ACTN2: variants seen among roughly 807,000 people sequenced by gnomAD.
The protein encoded by ACTN2 is alpha-actinin-2.
A neutral mutation model predicts 113.8 loss-of-function variants in ACTN2; 39 were observed. That is an observed-to-expected ratio of 0.34 (90% CI 0.27 to 0.45). The LOEUF (loss-of-function observed/expected upper bound fraction) is 0.45. ACTN2 is among the 20% of genes least tolerant of loss of function. The pLI is 1.00. For synonymous variants in ACTN2, 429 were observed against 444.1 expected (o/e 0.97, Z 0.43); for missense variants, 992 against 1,177.9 (o/e 0.84, Z 2.31).
chr1:236,695,496 A>C (rs535320169), intron 1 of ACTN2, among the ~76,000 whole-genome samples: 1 of 151,724 alleles, frequency 6.6e-6, no homozygotes, highest in Non-Finnish European at 1.5e-5. Context: ...TATGTATATC[A>C]TAATAAAATT....
intron 6 of ACTN2, among the ~76,000 whole-genome samples, chr1:236,730,817 C>T (rs763771020): frequency 4.6e-5 from 7 of 152,298 alleles, no homozygotes; most frequent in Non-Finnish European, 8.8e-5. Context: ...TTTCTTTCAT[C>T]TCTTTACCCC....
intron 1 of ACTN2, among the ~76,000 whole-genome samples, chr1:236,691,191 C>T (rs1028894750): frequency 1.1e-4 from 17 of 151,984 alleles, no homozygotes; most frequent in Admixed American, 3.3e-4. Context: ...GATCTGCCCA[C>T]CTCGGCCTCC....
At chr1:236,744,414 C>T (rs1659162490) in intron 11 of ACTN2, among the ~76,000 whole-genome samples, 1 of 152,144 alleles carries the variant, frequency 6.6e-6, no homozygotes, top group South Asian at 2.1e-4. Context: ...TATTTGGAGA[C>T]ACGAGCTTTC....
At chr1:236,749,832 A>G (rs1558246435) in intron 14 of ACTN2, among the ~76,000 whole-genome samples, 2 of 152,132 alleles carry the variant, frequency 1.3e-5, no homozygotes, top group East Asian at 1.9e-4. Context: ...GACAACTACA[A>G]CTACAACAAC....
intron 9 of ACTN2, among the ~76,000 whole-genome samples, chr1:236,737,607 A>G (rs1658931683): frequency 6.6e-6 from 1 of 151,608 alleles, no homozygotes; most frequent in Non-Finnish European, 1.5e-5. Context: ...TCCATATGCA[A>G]AAGCCTCACT....
Position 236,762,619 on chromosome 1 carries a change from A to G in ACTN2, c.2685A>G (p.Ter895TrpextTer2). 2 of 1,613,930 alleles carry G rather than the reference A, an allele frequency of 1.2e-6. No homozygotes were observed. The highest frequency in any genetic ancestry group is 1.7e-6 in the Non-Finnish European group (2 of 1,179,934). The change falls in exon 21 of 21, where the codon TGA becomes TGG. Residue 895 changes from the stop codon to tryptophan (W), a stop_lost. Coordinates refer to ENST00000366578, the MANE Select transcript of ACTN2 (RefSeq NM_001103.4). Reference sequence around the variant, plus strand: ...CACTCTACGGGGAGAGCGATCTGTGATGCTGAGCTTCTGTAATCACTCATC... The same window carrying G: ...CACTCTACGGGGAGAGCGATCTGTGGTGCTGAGCTTCTGTAATCACTCATC... ...SSALYGESDL[*>W] is the part of the protein sequence containing the mutation.
At chr1:236,713,408 G>A (rs955591609) in intron 1 of ACTN2, among the ~76,000 whole-genome samples, 6 of 151,980 alleles carry the variant, frequency 3.9e-5, no homozygotes, top group Non-Finnish European at 8.8e-5. Context: ...TGTATTTTTT[G>A]TAGAGACAGG....
Position 236,737,297 on chromosome 1 carries a change from G to GTATATATA in ACTN2, c.876+83_876+84insTATATATA. 7.6e-3 allele frequency: 2,433 copies of GTATATATA among 321,980 alleles called. 705 individuals carry two copies. Among genetic ancestry groups the GTATATATA allele is most frequent in the Middle Eastern group, 0.019 (23 of 1,194 alleles). 19.9% of individuals were successfully genotyped at this position (321,980 alleles called of 1,614,324 possible). On this transcript the variant is annotated intron_variant, in intron 9 of 20. Coordinates refer to ENST00000366578, the MANE Select transcript of ACTN2 (RefSeq NM_001103.4). Reference sequence around the variant, plus strand: ...GAGGGTGAAAAAATACTCCGTGGGGGCATATATATATATATATATATTTTG... The same window carrying GTATATATA: ...GAGGGTGAAAAAATACTCCGTGGGGGTATATATACATATATATATATATATATATTTTG...
rs770855273 is a variant in ACTN2 at position 236,739,407 on chromosome 1, C to T, written c.982C>T (p.Arg328Trp). 1.2e-5 allele frequency: 19 copies of T among 1,613,944 alleles called. No individual in the cohort carries two copies. The highest frequency in any genetic ancestry group is 1.0e-4 in the Admixed American group (6 of 59,988). ...KKLEDFRDYR[R>W]KHKPPKVQEK... ...GCTGGAGGACTTCCGGGATTACCGCCGGAAGCACAAGCCACCCAAGGTGCA... is the reference window on the plus strand; with the variant it reads ...GCTGGAGGACTTCCGGGATTACCGCTGGAAGCACAAGCCACCCAAGGTGCA... The change falls in exon 10 of 21, where the codon CGG becomes TGG. Residue 328 changes from arginine to tryptophan, a missense_variant. Physicochemically the swap from Arg to Trp is moderately radical, Grantham distance 101. Transcript: ENST00000366578.
chr1:236,705,035 C>T (rs1376735687), intron 1 of ACTN2, among the ~76,000 whole-genome samples: 5 of 152,216 alleles, frequency 3.3e-5, no homozygotes, highest in African/African-American at 9.6e-5. Context: ...CATTGCTTTA[C>T]GGCCAGCTCC....
rs1215269537 is a variant in ACTN2, at chr1:236,761,314, A to G, written c.2526+141A>G. 6.0e-6 allele frequency: 6 copies of G among 994,000 alleles called. No homozygotes were observed. The Admixed American group carries it at 1.2e-4, about 20-fold the overall frequency. The allele number at this position is 994,000 out of a possible 1,614,324, so 61.6% of individuals were successfully genotyped here. On this transcript the variant is annotated intron_variant, in intron 20 of 20. Transcript: ENST00000366578. ...ATTGGCACTGATTTCAGAAGGCAGC[A>G]GATAGACACACAACAATGGCGCGCC...
chr1:236,748,039 G>A (rs1249405456), intron 13 of ACTN2: 3 of 428,840 alleles, frequency 7.0e-6, no homozygotes, highest in African/African-American at 6.0e-5. Flanking sequence ...AATCTACTTT[G>A]TATCTGGTAG....
At chr1:236,751,909 A>C (rs924587929) in intron 15 of ACTN2, among the ~76,000 whole-genome samples, 1 of 152,220 alleles carries the variant, frequency 6.6e-6, no homozygotes, top group African/African-American at 2.4e-5. Flanking sequence ...CAACCACTGT[A>C]GGTTATGATC....
At chr1:236,708,558 T>A (rs1035142719) in intron 1 of ACTN2, among the ~76,000 whole-genome samples, 1 of 152,206 alleles carries the variant, frequency 6.6e-6, no homozygotes, top group Non-Finnish European at 1.5e-5. Flanking sequence ...TTAATGTAGA[T>A]GCCAACACTC....
chr1:236,758,022 A>G (rs1437721916), intron 18 of ACTN2, among the ~76,000 whole-genome samples: 2 of 152,186 alleles, frequency 1.3e-5, no homozygotes, highest in East Asian at 3.9e-4. Flanking sequence ...TCTGGTCATA[A>G]TTTAACCCAT....
At chr1:236,735,445 C>G (rs1456101930) in intron 7 of ACTN2, among the ~76,000 whole-genome samples, 190 bp from the exon 8 acceptor site, 1 of 152,178 alleles carries the variant, frequency 6.6e-6, no homozygotes, top group Non-Finnish European at 1.5e-5. Context: ...CTCAAACCAT[C>G]CTGTTCACGA....
chr1:236,744,759 C>T lies in ACTN2; in HGVS notation c.1389C>T (p.Ala463=), dbSNP rs775046459. The T allele has an allele frequency of 1.2e-6, 2 of 1,614,114 alleles. No homozygotes were observed. Among genetic ancestry groups the T allele is most frequent in the South Asian group, 1.1e-5 (1 of 91,082 alleles). The part of the protein sequence containing the change: ...AHQDRVEQIA[A]IAQELNELDY... ...AGGACCGCGTGGAGCAGATCGCAGC[C>T]ATCGCGCAGGAGCTCAAGTATGTGC... The change falls in exon 12 of 21, where the codon GCC becomes GCT. Residue 463 remains alanine, a synonymous_variant. Transcript: ENST00000366578.
intron 12 of ACTN2, among the ~76,000 whole-genome samples, chr1:236,746,912 T>C (rs1382363602): frequency 6.6e-6 from 1 of 152,194 alleles, no homozygotes; most frequent in Non-Finnish European, 1.5e-5. Context: ...CCCGCTATGT[T>C]AGATAAAGTC....
chr1:236,735,057 A>G (rs566664550), intron 7 of ACTN2, among the ~76,000 whole-genome samples: 140 of 152,304 alleles, frequency 9.2e-4, no homozygotes, highest in African/African-American at 1.4e-3. Context: ...GGTGATTTCT[A>G]TAAGCGGTAT....
Sources: gnomAD v4.1 joint callset for allele counts (sites outside exome capture counted in the v4.1 genomes callset) on GRCh38, gnomAD v4.1.1 for gene constraint, MANE v1.5 for transcripts, NCBI Gene and HGNC (gene_info 2026-07-23, HGNC 2026-07-21) for gene names.